KY: variants seen among roughly 807,000 people sequenced by gnomAD.
KY encodes the protein kyphoscoliosis peptidase.
A neutral mutation model predicts 76.1 loss-of-function variants in KY; 43 were observed. The observed-to-expected ratio is 0.57, with a 90% CI of 0.44 to 0.73. The LOEUF (loss-of-function observed/expected upper bound fraction) is 0.73. KY is among the 30% of genes least tolerant of loss of function. The pLI is 0.00. For synonymous variants in KY, 277 were observed against 326.2 expected, an observed-to-expected ratio of 0.85 and a Z score of 1.63; for missense variants, 722 against 828.9, an observed-to-expected ratio of 0.87 and a Z score of 1.58.
At chr3:134,607,408 G>C (rs1248878655) in intron 10 of KY, 5 of 985,520 alleles carry the variant, frequency 5.1e-6, no homozygotes, top group East Asian at 2.3e-4. Context: ...CTCCCCAGGG[G>C]CTCTGGGCCC....
intron 8 of KY, among the ~76,000 whole-genome samples, chr3:134,616,972 G>A (rs1961679033): frequency 6.6e-6 from 1 of 152,142 alleles, no homozygotes; most frequent in African/African-American, 2.4e-5. Context: ...AGAGGTTAAG[G>A]GCCTTACCAC....
intron 10 of KY, chr3:134,606,987 T>G (rs762226603): frequency 1.4e-5 from 14 of 985,162 alleles, no homozygotes; most frequent in African/African-American, 1.7e-5. Context: ...AAAGAAATAC[T>G]CTGTACATAA....
At chr3:134,650,449 G>A (rs533096447) in intron 1 of KY, among the ~76,000 whole-genome samples, 1 of 152,138 alleles carries the variant, frequency 6.6e-6, no homozygotes, top group South Asian at 2.1e-4. Flanking sequence ...GTGTGCTGTG[G>A]GGGGGAGCAG....
At position 134,635,911 on chromosome 3, in the gene KY, C is replaced by T. The variant is rs1454468073; in HGVS notation, c.263-6216G>A. Among the ~76,000 whole-genome samples, 4 of 152,290 alleles carry T rather than the reference C, an allele frequency of 2.6e-5. No individual in the cohort carries two copies. In the East Asian group the frequency reaches 7.7e-4, roughly 29 times the overall value. On this transcript the variant is annotated intron_variant, in intron 3 of 10. Coordinates refer to ENST00000423778, the MANE Select transcript of KY (RefSeq NM_178554.6). Reference sequence around the variant, plus strand: ...TTATAGTAAACATATTTTTCATAACCTGCTTTCTTCATTTAAATCTTTACA... The same window carrying T: ...TTATAGTAAACATATTTTTCATAACTTGCTTTCTTCATTTAAATCTTTACA...
chr3:134,603,055 T>C lies in KY; in HGVS notation c.*524A>G, dbSNP rs974269030. 6.6e-6 allele frequency: 1 copy of C among 152,588 alleles called. No individual in the cohort carries two copies. The highest frequency in any genetic ancestry group is 6.5e-5 in the Admixed American group (1 of 15,290). 9.5% of individuals were successfully genotyped at this position (152,588 alleles called of 1,614,324 possible). A position where few individuals can be genotyped will look rare whatever the true frequency, so the allele number is the denominator to read the frequency against. ...GCAGGATGCAGAAGATGATCAGGTC[T>C]GGGAGGAGAAGATAGTCCAAGATTC... On this transcript the variant is annotated 3_prime_UTR_variant, in exon 11 of 11. Transcript: ENST00000423778.
chr3:134,639,305 A>AGG (rs1370256950), intron 3 of KY, among the ~76,000 whole-genome samples: 3 of 152,098 alleles, frequency 2.0e-5, no homozygotes, highest in Non-Finnish European at 2.9e-5. Context: ...CACCACCCTT[A>AGG]GGGGGTACTG....
intron 6 of KY, among the ~76,000 whole-genome samples, chr3:134,624,229 C>T (rs1165492424): frequency 1.3e-5 from 2 of 152,202 alleles, no homozygotes; most frequent in African/African-American, 4.8e-5. Flanking sequence ...CCCCTCTGCC[C>T]CTAGCTCAGG....
At chr3:134,606,050 G>A (rs1959190812) in intron 10 of KY, among the ~76,000 whole-genome samples, 1 of 152,162 alleles carries the variant, frequency 6.6e-6, no homozygotes, top group Non-Finnish European at 1.5e-5. Flanking sequence ...GATCAATAGA[G>A]TTGCTATCCC....
intron 6 of KY, among the ~76,000 whole-genome samples, chr3:134,622,476 A>G (rs1454030745): frequency 6.6e-6 from 1 of 152,218 alleles, no homozygotes; most frequent in Non-Finnish European, 1.5e-5. Context: ...AAGGACAAAT[A>G]CTGTATGATT....
At position 134,608,674 on chromosome 3, in the gene KY, G is replaced by T. The variant is rs371785765; in HGVS notation, c.1065C>A (p.His355Gln). Reference sequence around the variant, plus strand: ...CTGTTCTGATCATGGAAGTCTCTGGGTGGGCACTCAGCATCCCTTTGTTGT... The same window carrying T: ...CTGTTCTGATCATGGAAGTCTCTGGTTGGGCACTCAGCATCCCTTTGTTGT... ...EFYNKGMLSA[H>Q]PETSMIRTVN... Residue 355 changes from histidine to glutamine, a missense_variant, in exon 10 of 11, where the codon CAC (histidine) becomes CAA (glutamine). His to Gln is a conservative substitution (Grantham distance 24). Coordinates refer to ENST00000423778, the MANE Select transcript of KY (RefSeq NM_178554.6). 10 of 1,613,944 alleles carry T rather than the reference G, an allele frequency of 6.2e-6. No homozygotes were observed. In the Admixed American group the frequency reaches 1.5e-4, roughly 24 times the overall value.
intron 6 of KY, among the ~76,000 whole-genome samples, chr3:134,623,054 C>G (rs1156983844): frequency 1.3e-5 from 2 of 152,248 alleles, no homozygotes; most frequent in Non-Finnish European, 2.9e-5. Flanking sequence ...CCTTGTCCCT[C>G]TCCCAGGGCC....
chr3:134,606,049 A>C (rs1959190729), intron 10 of KY, among the ~76,000 whole-genome samples: 1 of 152,162 alleles, frequency 6.6e-6, no homozygotes, highest in Non-Finnish European at 1.5e-5. Flanking sequence ...AGATCAATAG[A>C]GTTGCTATCC....
intron 8 of KY, among the ~76,000 whole-genome samples, chr3:134,618,694 G>T (rs534348654): frequency 6.6e-6 from 1 of 152,182 alleles, no homozygotes; most frequent in African/African-American, 2.4e-5. Context: ...TAGCCGCTTC[G>T]TAGTGATTCA....
chr3:134,633,535 AT>A (rs1208544077), intron 3 of KY, among the ~76,000 whole-genome samples: 1 of 152,142 alleles, frequency 6.6e-6, no homozygotes, highest in African/African-American at 2.4e-5. Context: ...AGAAAAATGC[AT>A]TTGACAAAAT....
At chr3:134,642,867 G>C (rs1965932412) in intron 3 of KY, among the ~76,000 whole-genome samples, 1 of 152,202 alleles carries the variant, frequency 6.6e-6, no homozygotes, top group Admixed American at 6.5e-5. Context: ...TTGAACACAT[G>C]ACAGCCTTTC....
chr3:134,641,395 C>T (rs1965742956), intron 3 of KY: 1 of 152,128 alleles, frequency 6.6e-6, no homozygotes, highest in Non-Finnish European at 1.5e-5. Flanking sequence ...CCACACATAT[C>T]CTTAAACAAG....
chr3:134,633,979 G>A (rs1299465456), intron 3 of KY, among the ~76,000 whole-genome samples: 1 of 152,146 alleles, frequency 6.6e-6, no homozygotes, highest in Non-Finnish European at 1.5e-5. Context: ...ATTGGAGATG[G>A]CATTTAAAAA....
intron 9 of KY, 128 bp downstream of exon 9, chr3:134,610,067 G>A (rs1008617452): frequency 2.0e-6 from 2 of 985,964 alleles, no homozygotes; most frequent in Non-Finnish European, 1.5e-6. Context: ...CCGAGGAGGA[G>A]TGGGCATGGG....
intron 4 of KY, among the ~76,000 whole-genome samples, chr3:134,629,154 T>A (rs765535634): frequency 3.0e-4 from 45 of 152,186 alleles, no homozygotes; most frequent in Non-Finnish European, 5.7e-4. Context: ...GGCTTCAGAG[T>A]CATACCTGGG....
Sources: allele counts gnomAD v4.1 joint callset (sites outside exome capture counted in the v4.1 genomes callset), GRCh38; gene constraint gnomAD v4.1.1; transcripts MANE v1.5; gene names NCBI Gene and HGNC (gene_info 2026-07-23, HGNC 2026-07-21).